KATNBL1: variants seen among roughly 807,000 people sequenced by gnomAD.
KATNBL1 encodes the protein KATNB1-like protein 1.
KATNBL1 carries 28 observed loss-of-function variants against 44.7 expected under a neutral mutation model. That is an observed-to-expected ratio of 0.63 (90% CI 0.46 to 0.86). KATNBL1 has a LOEUF of 0.86. Ranked by LOEUF, KATNBL1 falls within the 40% of genes least tolerant of loss-of-function variation. The pLI is 0.00. For missense variants in KATNBL1, 272 were observed against 350.7 expected (o/e 0.78, Z 1.79); for synonymous variants, 78 against 114.9 (o/e 0.68, Z 2.06).
rs909154808 is a variant in KATNBL1 at position 34,145,208 on chromosome 15, C to T, written c.882+190G>A. On this transcript the variant is annotated intron_variant, in intron 9 of 9. Coordinates refer to ENST00000256544, the MANE Select transcript of KATNBL1 (RefSeq NM_024713.3). ...CTGTACATGAAACATGTTCAATGGC[C>T]AATTCCTGTGCTTGCTGCCAAGGTC... The T allele has an allele frequency of 1.1e-5, 15 of 1,379,406 alleles. No individual in the cohort carries two copies. In the African/African-American group the frequency reaches 1.9e-4, roughly 17 times the overall value. The allele number at this position is 1,379,406 out of a possible 1,614,324, so 85.4% of individuals were successfully genotyped here. A position where few individuals can be genotyped will look rare whatever the true frequency, so the allele number is the denominator to read the frequency against.
intron 1 of KATNBL1, chr15:34,209,201 C>A (rs1890368008): frequency 6.6e-6 from 1 of 152,190 alleles, no homozygotes; most frequent in African/African-American, 2.4e-5. Flanking sequence ...CAGATTTAAG[C>A]TATTAGGTGG....
At chr15:34,184,427 A>C (rs1275261099) in intron 1 of KATNBL1, among the ~76,000 whole-genome samples, 2 of 150,720 alleles carry the variant, frequency 1.3e-5, no homozygotes, top group African/African-American at 4.9e-5. Flanking sequence ...AGATCGCTAC[A>C]GTGAACCGAG....
At chr15:34,202,045 C>G (rs541526840) in intron 1 of KATNBL1, among the ~76,000 whole-genome samples, 3 of 152,106 alleles carry the variant, frequency 2.0e-5, no homozygotes, top group Non-Finnish European at 4.4e-5. Flanking sequence ...TGAGCATCCT[C>G]GGATTGTGAT....
intron 1 of KATNBL1, among the ~76,000 whole-genome samples, chr15:34,177,518 C>T (rs541975073): frequency 3.9e-4 from 59 of 151,452 alleles, no homozygotes; most frequent in Non-Finnish European, 6.2e-4. Context: ...GTGGTACACG[C>T]CTGTAATCCC....
chr15:34,197,101 G>A (rs1890047541), intron 1 of KATNBL1, among the ~76,000 whole-genome samples: 1 of 152,198 alleles, frequency 6.6e-6, no homozygotes, highest in Non-Finnish European at 1.5e-5. Flanking sequence ...TACTAGAGGT[G>A]GAGAACAACC....
At chr15:34,156,229 G>C (rs1315888188) in intron 2 of KATNBL1, among the ~76,000 whole-genome samples, 1 of 152,214 alleles carries the variant, frequency 6.6e-6, no homozygotes, top group African/African-American at 2.4e-5. Flanking sequence ...GACACAAAAT[G>C]AACTCAGTGT....
At chr15:34,209,249 G>A (rs1322314041) in intron 1 of KATNBL1, 2 of 152,138 alleles carry the variant, frequency 1.3e-5, no homozygotes, top group Non-Finnish European at 2.9e-5. Flanking sequence ...CTGAACTGAT[G>A]ATTATTACAC....
At chr15:34,201,066 C>T (rs919326797) in intron 1 of KATNBL1, among the ~76,000 whole-genome samples, 3 of 152,132 alleles carry the variant, frequency 2.0e-5, no homozygotes, top group Admixed American at 6.5e-5. Context: ...CTGCCCTCCT[C>T]GGCCTCCCAA....
intron 1 of KATNBL1, among the ~76,000 whole-genome samples, chr15:34,200,425 T>G (rs1343049365): frequency 8.7e-6 from 1 of 115,060 alleles, no homozygotes; most frequent in African/African-American, 3.1e-5. Context: ...GCTAATTGTT[T>G]TTTTTTTTTG....
intron 1 of KATNBL1, among the ~76,000 whole-genome samples, chr15:34,167,927 T>C (rs144884750): frequency 0.012 from 1,772 of 152,172 alleles, 37 homozygotes; most frequent in African/African-American, 0.041. Flanking sequence ...TTACAAGAGC[T>C]CCTGAAGGAA....
Position 34,169,194 on chromosome 15 carries a change from A to T in KATNBL1, c.-14-5504T>A, listed in dbSNP as rs145368955. Among the ~76,000 whole-genome samples the T allele has an allele frequency of 1.9e-3, 283 of 152,304 alleles. 1 individual carries two copies. Among genetic ancestry groups the T allele is most frequent in the African/African-American group, 6.5e-3 (270 of 41,574 alleles). On this transcript the variant is annotated intron_variant, in intron 1 of 9. Coordinates refer to ENST00000256544, the MANE Select transcript of KATNBL1 (RefSeq NM_024713.3). ...TCAGCAAAATTGATAGACTGCTAGC[A>T]AGACTAATAAAGAAGAAAACAGAGA...
chr15:34,194,427 A>C (rs150786934), intron 1 of KATNBL1, among the ~76,000 whole-genome samples: 53 of 152,190 alleles, frequency 3.5e-4, no homozygotes, highest in Non-Finnish European at 6.3e-4. Flanking sequence ...TGGGCAACAT[A>C]CTGAGACCCT....
chr15:34,177,938 A>G (rs1889385156), intron 1 of KATNBL1: 1 of 152,216 alleles, frequency 6.6e-6, no homozygotes, highest in South Asian at 2.1e-4. Context: ...CATTCCCACT[A>G]TGGCAAAGGG....
At position 34,154,644 on chromosome 15, in the gene KATNBL1, C is replaced by G. The variant is rs1016175508; in HGVS notation, c.158G>C (p.Arg53Thr). Residue 53 changes from arginine (R) to threonine (T), a missense_variant and splice_region_variant, in exon 3 of 10, where the codon AGA (arginine) becomes ACA (threonine). Coordinates refer to ENST00000256544, the MANE Select transcript of KATNBL1 (RefSeq NM_024713.3). ...CCACAAACTTTAAAGAAACTCTTAC[C>G]TATTTATGTAAGCAGCCAACTGTTT... ...SPKQLAAYIN[R>T]TVGQTVKSPD... 1 of 1,567,734 alleles carries G rather than the reference C, an allele frequency of 6.4e-7. No homozygotes were observed. Among genetic ancestry groups the G allele is most frequent in the African/African-American group, 1.4e-5 (1 of 74,026 alleles).
At chr15:34,145,644 G>GAGAGAAA (rs1196437226) in intron 8 of KATNBL1, 153 bp from the exon 9 acceptor site, 3 of 672,822 alleles carry the variant, frequency 4.5e-6, no homozygotes, top group Non-Finnish European at 6.1e-6. Context: ...TGGGAACGTG[G>GAGAGAAA]AGAGAAATTA....
intron 1 of KATNBL1, among the ~76,000 whole-genome samples, chr15:34,195,589 G>A (rs892088310): frequency 1.3e-5 from 2 of 151,642 alleles, no homozygotes; most frequent in East Asian, 1.9e-4. Context: ...TACTCAGGAC[G>A]CTGAGGCAGG....
intron 1 of KATNBL1, chr15:34,199,824 TGAAGACGG>T (rs1890127885): frequency 6.6e-6 from 1 of 151,288 alleles, no homozygotes; most frequent in Admixed American, 6.6e-5. Context: ...AGATTTATTG[TGAAGACGG>T]AAAGAACAAA....
chr15:34,153,121 T>TA (rs775072006), intron 3 of KATNBL1, 52 bp from the exon 4 acceptor site: 32 of 1,324,422 alleles, frequency 2.4e-5, no homozygotes, highest in Non-Finnish European at 3.3e-5. Context: ...TGAAATCCTT[T>TA]AAAAGTTTTT....
At chr15:34,194,497 C>A (rs1597461062) in intron 1 of KATNBL1, among the ~76,000 whole-genome samples, 1 of 152,188 alleles carries the variant, frequency 6.6e-6, no homozygotes, top group Middle Eastern at 3.4e-3. Flanking sequence ...GTGGCACGCG[C>A]CTGTAGTTCC....
Sources: gnomAD v4.1 joint callset for allele counts (sites outside exome capture counted in the v4.1 genomes callset) on GRCh38, gnomAD v4.1.1 for gene constraint, MANE v1.5 for transcripts, NCBI Gene and HGNC (gene_info 2026-07-23, HGNC 2026-07-21) for gene names.